The following MAT1A variants were observed in gnomAD, a reference collection of about 807,000 sequenced individuals.
The protein encoded by MAT1A is S-adenosylmethionine synthase isoform type-1.
Under a neutral mutation model 44.0 loss-of-function variants are expected in MAT1A, and 19 were observed. That is an observed-to-expected ratio of 0.43 (90% CI 0.30 to 0.63). The LOEUF (loss-of-function observed/expected upper bound fraction) is 0.63. MAT1A is among the 30% of genes least tolerant of loss of function. The pLI, the probability that MAT1A is intolerant of heterozygous loss-of-function variation, is 0.12. For missense variants in MAT1A, 397 were observed against 531.0 expected (o/e 0.75, Z 2.48); for synonymous variants, 205 against 205.6 (o/e 1.00, Z 0.03).
intron 6 of MAT1A, chr10:80,275,440 A>T: frequency 1.7e-6 from 1 of 576,784 alleles, no homozygotes; most frequent in South Asian, 2.0e-5. Flanking sequence ...AAGGTGGGCC[A>T]GGGGTTCTCT....
rs1841443599 is a variant in MAT1A at position 80,273,846 on chromosome 10, C to T, written c.1123G>A (p.Ala375Thr). The T allele has an allele frequency of 1.2e-6, 2 of 1,613,746 alleles. No homozygotes were observed. Among genetic ancestry groups the T allele is most frequent in the Non-Finnish European group, 1.7e-6 (2 of 1,179,658 alleles). Residue 375 changes from alanine to threonine, a missense_variant, in exon 9 of 9, where the codon GCA becomes ACA. Ala to Thr is a moderately conservative substitution (Grantham distance 58). Coordinates refer to ENST00000372213, the MANE Select transcript of MAT1A (RefSeq NM_000429.3). ...DLKKPIYQKT[A>T]CYGHFGRSEF... ...CTTCTTCCGAAATGGCCGTAGCATG[C>T]TGTCTTCTGGTAGATGGGCTTCTTC... is the stretch of plus-strand genomic sequence containing the variant.
Position 80,275,043 on chromosome 10 carries a change from C to G in MAT1A, c.925G>C (p.Gly309Arg), listed in dbSNP as rs1034807701. 5.1e-6 allele frequency: 8 copies of G among 1,559,404 alleles called. No individual in the cohort carries two copies. The African/African-American group carries it at 6.8e-5, about 13-fold the overall frequency. Residue 309 changes from glycine to arginine, a missense_variant, in exon 7 of 9, where the codon GGG becomes CGG. By Grantham distance (125) the Gly-to-Arg change is moderately radical. Coordinates refer to ENST00000372213, the MANE Select transcript of MAT1A (RefSeq NM_000429.3). Reference protein sequence around the residue: ...RWVAKSLVKAGLCRRVLVQVS... With the variant: ...RWVAKSLVKARLCRRVLVQVS... Reference sequence around the variant, plus strand: ...TGGACAAGCACTCTCCGGCAGAGCCCTGCTTTCACCAGAGACTTGGCCACC... The same window carrying G: ...TGGACAAGCACTCTCCGGCAGAGCCGTGCTTTCACCAGAGACTTGGCCACC...
At chr10:80,285,651 T>C (rs1841640310) in intron 1 of MAT1A, 62 bp from the exon 2 acceptor site, 2 of 1,123,916 alleles carry the variant, frequency 1.8e-6, no homozygotes, top group African/African-American at 3.1e-5. Context: ...ATTGAAATCT[T>C]AAAATAATTA....
rs983059519 is a variant in MAT1A, at chr10:80,271,965, T to A, written c.*1816A>T. The A allele has an allele frequency of 2.6e-5, 4 of 151,714 alleles. No homozygotes were observed. Among genetic ancestry groups the A allele is most frequent in the Admixed American group, 6.6e-5 (1 of 15,234 alleles). The allele number at this position is 151,714 out of a possible 1,614,324, so 9.4% of individuals were successfully genotyped here. Reference sequence around the variant, plus strand: ...TAAAATTCTGAATTTTCATGTCGAGTGTGAGCCAAGTTAGAGGAACTTGGC... The same window carrying A: ...TAAAATTCTGAATTTTCATGTCGAGAGTGAGCCAAGTTAGAGGAACTTGGC... On this transcript the variant is annotated 3_prime_UTR_variant, in exon 9 of 9. Coordinates refer to ENST00000372213, the MANE Select transcript of MAT1A (RefSeq NM_000429.3).
At chr10:80,282,381 T>C (rs979726340) in intron 3 of MAT1A, among the ~76,000 whole-genome samples, 2 of 152,186 alleles carry the variant, frequency 1.3e-5, no homozygotes, top group African/African-American at 2.4e-5. Context: ...ATGGACAAGC[T>C]TGGGCACAGG....
rs766774611 is a variant in MAT1A, at chr10:80,289,293, G to C, written c.91+40C>G. On this transcript the variant is annotated intron_variant, in intron 1 of 8. Coordinates refer to ENST00000372213, the MANE Select transcript of MAT1A (RefSeq NM_000429.3). ...AAGTGACTCCCTCAGTATAGGCTTGGAATGATCGTTTTCCAGTCAGTCCAA... is the reference window on the plus strand; with the variant it reads ...AAGTGACTCCCTCAGTATAGGCTTGCAATGATCGTTTTCCAGTCAGTCCAA... The C allele has an allele frequency of 2.0e-6, 3 of 1,531,620 alleles. No individual in the cohort carries two copies. In the African/African-American group the frequency reaches 4.1e-5, roughly 21 times the overall value. 94.9% of individuals were successfully genotyped at this position (1,531,620 alleles called of 1,614,324 possible).
intron 5 of MAT1A, among the ~76,000 whole-genome samples, chr10:80,279,541 G>A (rs1226986902): frequency 6.6e-6 from 1 of 152,044 alleles, no homozygotes; most frequent in African/African-American, 2.4e-5. Flanking sequence ...AAGCAGGGAG[G>A]GGATACAGGG....
At position 80,289,473 on chromosome 10, in the gene MAT1A, T is replaced by C. The variant is rs1564649096; in HGVS notation, c.-50A>G. On this transcript the variant is annotated 5_prime_UTR_variant, in exon 1 of 9. Transcript: ENST00000372213. ...TTCTTTCAGTGAACAATTTTGAGGC[T>C]GTGACTTTGCCTGAGTTTTTTTTTC... The C allele has an allele frequency of 6.9e-7, 1 of 1,455,406 alleles. No individual in the cohort carries two copies. Among genetic ancestry groups the C allele is most frequent in the Non-Finnish European group, 9.6e-7 (1 of 1,040,916 alleles). The allele number at this position is 1,455,406 out of a possible 1,614,324, so 90.2% of individuals were successfully genotyped here.
chr10:80,285,327 TG>T (rs1841634498), intron 2 of MAT1A, among the ~76,000 whole-genome samples, 184 bp downstream of exon 2: 23 of 152,384 alleles, frequency 1.5e-4, no homozygotes, highest in Admixed American at 1.4e-3. Flanking sequence ...ATTTGTTTCA[TG>T]GTTAGAAATG....
rs1450954302 is a variant in MAT1A, at chr10:80,273,736, C to T, written c.*45G>A. The T allele has an allele frequency of 1.4e-6, 2 of 1,388,090 alleles. No homozygotes were observed. The highest frequency in any genetic ancestry group is 1.4e-5 in the African/African-American group (1 of 69,680). 86.0% of individuals were successfully genotyped at this position (1,388,090 alleles called of 1,614,324 possible). On this transcript the variant is annotated 3_prime_UTR_variant, in exon 9 of 9. Transcript: ENST00000372213. ...GGCGTCTGGGGAAGAGGAGCATGGC[C>T]ACCAGGTGCCTCCAGGGTGAGACCA...
intron 3 of MAT1A, among the ~76,000 whole-genome samples, chr10:80,281,249 G>A (rs12249598): frequency 0.054 from 8,276 of 152,182 alleles, 789 homozygotes; most frequent in African/African-American, 0.19. Context: ...AAGCCCAGCT[G>A]TATGCCTGAC....
rs1391948448 is a variant in MAT1A at position 80,289,392 on chromosome 10, T to C, written c.32A>G (p.His11Arg). 2.5e-6 allele frequency: 4 copies of C among 1,613,748 alleles called. No individual in the cohort carries two copies. Among genetic ancestry groups the C allele is most frequent in the African/African-American group, 2.7e-5 (2 of 74,816 alleles). MNGPVDGLCD[H>R]SLSEGVFMFT... The stretch of plus-strand genomic sequence containing the variant: ...CATGAAGACTCCTTCACTTAGAGAG[T>C]GGTCACACAAGCCATCCACCGGTCC... Residue 11 changes from histidine to arginine, a missense_variant, in exon 1 of 9, where the codon CAC (histidine) becomes CGC (arginine). By Grantham distance (29) the His-to-Arg change is conservative (BLOSUM62 0). Transcript: ENST00000372213.
Position 80,280,293 on chromosome 10 carries a change from G to A in MAT1A, c.429C>T (p.Thr143=), listed in dbSNP as rs141010538. The A allele has an allele frequency of 1.0e-4, 163 of 1,614,078 alleles. No homozygotes were observed. In the African/African-American group the frequency reaches 1.6e-3, roughly 16 times the overall value. The stretch of plus-strand genomic sequence containing the variant: ...GGGGCATGCACTCCTCTGTCTCGTC[G>A]GTAGCATAGCCGAACATCAAACCCT... ...GDQGLMFGYA[T]DETEECMPLT... The change falls in exon 5 of 9, where the codon ACC becomes ACT. Residue 143 remains threonine, a synonymous_variant. Transcript: ENST00000372213.
chr10:80,280,329 A>G lies in MAT1A; in HGVS notation c.406-13T>C, dbSNP rs1221041027. Reference sequence around the variant, plus strand: ...CGAACATCAAACCCTGTGGCGAGAGAGCAGGCTGAGCGGCGCCCACCCTAG... The same window carrying G: ...CGAACATCAAACCCTGTGGCGAGAGGGCAGGCTGAGCGGCGCCCACCCTAG... On this transcript the variant is annotated splice_polypyrimidine_tract_variant and intron_variant, in intron 4 of 8. Coordinates refer to ENST00000372213, the MANE Select transcript of MAT1A (RefSeq NM_000429.3). 11 of 1,612,904 alleles carry G rather than the reference A, an allele frequency of 6.8e-6. No individual in the cohort carries two copies. Among genetic ancestry groups the G allele is most frequent in the Non-Finnish European group, 9.3e-6 (11 of 1,179,740 alleles).
intron 6 of MAT1A, chr10:80,275,549 G>C (rs1400758004): frequency 2.8e-6 from 1 of 356,134 alleles, no homozygotes; most frequent in African/African-American, 2.1e-5. Context: ...TACAACCCTG[G>C]CTGGTGCCAC....
chr10:80,281,525 A>G (rs984722732), intron 3 of MAT1A, among the ~76,000 whole-genome samples: 1 of 151,822 alleles, frequency 6.6e-6, no homozygotes, highest in Admixed American at 6.6e-5. Context: ...GACCGTGCGC[A>G]CCTCCTCACA....
intron 6 of MAT1A, among the ~76,000 whole-genome samples, chr10:80,275,931 C>T (rs544740040): frequency 6.6e-6 from 1 of 152,284 alleles, no homozygotes; most frequent in Non-Finnish European, 1.5e-5. Flanking sequence ...GCAGTGGTGC[C>T]CTGTCTAAAA....
intron 4 of MAT1A, among the ~76,000 whole-genome samples, 177 bp downstream of exon 4, chr10:80,280,503 C>T (rs1216272969): frequency 6.6e-6 from 1 of 152,084 alleles, no homozygotes; most frequent in Non-Finnish European, 1.5e-5. Context: ...GGAGACAAGC[C>T]CAAACCCAGT....
chr10:80,289,024 C>T (rs1353639397), intron 1 of MAT1A, among the ~76,000 whole-genome samples: 1 of 152,172 alleles, frequency 6.6e-6, no homozygotes, highest in Non-Finnish European at 1.5e-5. Context: ...GTGACTCCTA[C>T]AGGTACGAAG....
Sources: gnomAD v4.1 joint callset for allele counts (sites outside exome capture counted in the v4.1 genomes callset) on GRCh38, gnomAD v4.1.1 for gene constraint, MANE v1.5 for transcripts, NCBI Gene and HGNC (gene_info 2026-07-23, HGNC 2026-07-21) for gene names.